The following IGF2BP1 variants were observed in gnomAD, a reference collection of about 807,000 sequenced individuals.
The protein encoded by IGF2BP1 is insulin-like growth factor 2 mRNA-binding protein 1.
Under a neutral mutation model 74.9 loss-of-function variants are expected in IGF2BP1, and 11 were observed. The ratio of observed to expected loss-of-function variants is 0.15; its 90% CI spans 0.09 to 0.24. IGF2BP1 has a LOEUF of 0.24. Among genes scored for constraint, IGF2BP1 ranks in the 10% least tolerant of loss-of-function variants. IGF2BP1 has a pLI of 1.00. For synonymous variants in IGF2BP1, 287 were observed against 281.8 expected (o/e 1.02, Z -0.18); for missense variants, 440 against 757.4 (o/e 0.58, Z 4.92).
At chr17:49,031,156 T>A (rs1040887942) in intron 4 of IGF2BP1, among the ~76,000 whole-genome samples, 1 of 152,150 alleles carries the variant, frequency 6.6e-6, no homozygotes, top group Non-Finnish European at 1.5e-5. Flanking sequence ...TCTCACTCTA[T>A]CACCCCGGCT....
At chr17:49,019,923 T>TAC (rs1334409095) in intron 2 of IGF2BP1, among the ~76,000 whole-genome samples, 5 of 58,038 alleles carry the variant, frequency 8.6e-5, no homozygotes, top group African/African-American at 5.0e-4. Context: ...TATATATATA[T>TAC]ATATATATAT....
intron 2 of IGF2BP1, among the ~76,000 whole-genome samples, chr17:49,015,996 C>T (rs150692499): frequency 6.6e-6 from 1 of 152,298 alleles, no homozygotes; most frequent in African/African-American, 2.4e-5. Flanking sequence ...GACAGCCATC[C>T]AGCCGTATGA....
chr17:49,045,879 C>T lies in IGF2BP1; in HGVS notation c.1396-11C>T, dbSNP rs1567828487. The stretch of plus-strand genomic sequence containing the variant: ...ATGAACCACTGATTAACAATTACCT[C>T]CTCTTCTCAGGCTCAGGGAAGAATC... On this transcript the variant is annotated splice_polypyrimidine_tract_variant and intron_variant, in intron 12 of 14. Coordinates refer to ENST00000290341, the MANE Select transcript of IGF2BP1 (RefSeq NM_006546.4). 1.9e-6 allele frequency: 3 copies of T among 1,612,740 alleles called. No homozygotes were observed. The highest frequency in any genetic ancestry group is 2.5e-6 in the Non-Finnish European group (3 of 1,179,282).
intron 4 of IGF2BP1, among the ~76,000 whole-genome samples, chr17:49,027,758 A>G (rs2144062645): frequency 6.9e-6 from 1 of 144,950 alleles, no homozygotes; most frequent in East Asian, 2.3e-4. Context: ...AGGCTGAGGC[A>G]GGAGAATGGC....
At chr17:49,038,471 A>G (rs749118849) in intron 6 of IGF2BP1, 22 bp downstream of exon 6, 9 of 1,458,048 alleles carry the variant, frequency 6.2e-6, no homozygotes, top group South Asian at 5.8e-5. Flanking sequence ...CTCTTGGGGA[A>G]TGGAGGTTGG....
chr17:49,049,162 T>C (rs1172581715), intron 14 of IGF2BP1, among the ~76,000 whole-genome samples, 190 bp from the exon 15 acceptor site: 1 of 152,164 alleles, frequency 6.6e-6, no homozygotes. Flanking sequence ...TTCCAGGGGA[T>C]ACTCAGGCTC....
rs1387932161 is a variant in IGF2BP1, at chr17:49,051,364, C to T, written c.*1920C>T. ...GTGGGAAAGGCTTTGGGGGCTGCCC[C>T]CTTAGGAGGAGGCTAGTGCTAAGAG... On this transcript the variant is annotated 3_prime_UTR_variant, in exon 15 of 15. Coordinates refer to ENST00000290341, the MANE Select transcript of IGF2BP1 (RefSeq NM_006546.4). The T allele has an allele frequency of 1.3e-5, 2 of 152,628 alleles. No individual in the cohort carries two copies. The highest frequency in any genetic ancestry group is 2.9e-5 in the Non-Finnish European group (2 of 68,084). 9.5% of individuals were successfully genotyped at this position (152,628 alleles called of 1,614,324 possible).
intron 2 of IGF2BP1, among the ~76,000 whole-genome samples, chr17:49,016,418 CGT>C (rs59845226): frequency 1.1e-4 from 17 of 150,794 alleles, no homozygotes; most frequent in African/African-American, 2.9e-4. Context: ...TGCGTGCGCA[CGT>C]GTGTGTGTGT....
intron 2 of IGF2BP1, among the ~76,000 whole-genome samples, chr17:49,009,953 G>A (rs963742778): frequency 6.6e-6 from 1 of 151,756 alleles, no homozygotes; most frequent in Admixed American, 6.6e-5. Context: ...GGTGGCGTGC[G>A]CCTGTAATCC....
At chr17:49,029,749 T>A (rs541057464) in intron 4 of IGF2BP1, among the ~76,000 whole-genome samples, 11 of 152,014 alleles carry the variant, frequency 7.2e-5, no homozygotes, top group South Asian at 2.1e-4. Flanking sequence ...TGCCTCAGCA[T>A]CCCAAGTAGC....
intron 1 of IGF2BP1, among the ~76,000 whole-genome samples, 181 bp downstream of exon 1, chr17:48,998,101 C>G (rs1228785394): frequency 6.6e-6 from 1 of 152,122 alleles, no homozygotes; most frequent in Non-Finnish European, 1.5e-5. Flanking sequence ...CTCCCACCCC[C>G]GCGCAGAAAC....
At chr17:49,024,111 T>TTTTTGGGGG (rs2041824320) in intron 2 of IGF2BP1, among the ~76,000 whole-genome samples, 2 of 143,582 alleles carry the variant, frequency 1.4e-5, no homozygotes, top group Admixed American at 7.0e-5. Context: ...TTTTTTTTTT[T>TTTTTGGGGG]GTAGAGAGGA....
At chr17:48,999,686 A>G (rs2041461028) in intron 2 of IGF2BP1, among the ~76,000 whole-genome samples, 1 of 151,786 alleles carries the variant, frequency 6.6e-6, no homozygotes, top group South Asian at 2.1e-4. Context: ...TATTTCTACA[A>G]CAGGCAAAGA....
intron 11 of IGF2BP1, among the ~76,000 whole-genome samples, chr17:49,044,288 C>G (rs1010276333): frequency 6.6e-6 from 1 of 152,132 alleles, no homozygotes; most frequent in Non-Finnish European, 1.5e-5. Flanking sequence ...TCTGGGTTTT[C>G]AGGCTGGGCA....
At chr17:49,020,321 C>T (rs913316824) in intron 2 of IGF2BP1, among the ~76,000 whole-genome samples, 2 of 152,020 alleles carry the variant, frequency 1.3e-5, no homozygotes, top group East Asian at 1.9e-4. Context: ...GGATTACAGG[C>T]GTGAGCCACC....
At chr17:49,034,761 A>AC (rs1173475413) in intron 5 of IGF2BP1, among the ~76,000 whole-genome samples, 5,132 of 148,682 alleles carry the variant, frequency 0.035, 147 homozygotes, top group South Asian at 0.079. Context: ...AAAAACAAAA[A>AC]AAACAAAAAA....
Position 49,051,372 on chromosome 17 carries a change from G to A in IGF2BP1, c.*1928G>A, listed in dbSNP as rs74537754. On this transcript the variant is annotated 3_prime_UTR_variant, in exon 15 of 15. Coordinates refer to ENST00000290341, the MANE Select transcript of IGF2BP1 (RefSeq NM_006546.4). ...GGCTTTGGGGGCTGCCCCCTTAGGAGGAGGCTAGTGCTAAGAGGGAAGGCC... is the reference window on the plus strand; with the variant it reads ...GGCTTTGGGGGCTGCCCCCTTAGGAAGAGGCTAGTGCTAAGAGGGAAGGCC... 2,031 of 152,828 alleles carry A rather than the reference G, an allele frequency of 0.013. 21 individuals are homozygous for A. The highest frequency in any genetic ancestry group is 0.023 in the Non-Finnish European group (1,537 of 68,090). The allele number at this position is 152,828 out of a possible 1,614,324, so 9.5% of individuals were successfully genotyped here. A position where few individuals can be genotyped will look rare whatever the true frequency, so the allele number is the denominator to read the frequency against.
intron 11 of IGF2BP1, 149 bp from the exon 12 acceptor site, chr17:49,044,842 T>C (rs2042092771): frequency 1.5e-6 from 1 of 665,942 alleles, no homozygotes; most frequent in Admixed American, 2.5e-5. Flanking sequence ...GGCGTAATGA[T>C]GTGGGCTTCA....
intron 5 of IGF2BP1, among the ~76,000 whole-genome samples, chr17:49,035,679 C>T (rs1164497417): frequency 6.6e-6 from 1 of 152,166 alleles, no homozygotes; most frequent in East Asian, 1.9e-4. Context: ...CCTTGCCCTC[C>T]GAGGTCTCCC....
Sources: gnomAD v4.1 joint callset for allele counts (sites outside exome capture counted in the v4.1 genomes callset) on GRCh38, gnomAD v4.1.1 for gene constraint, MANE v1.5 for transcripts, NCBI Gene and HGNC (gene_info 2026-07-23, HGNC 2026-07-21) for gene names.